Variants in CDK11B observed in about 807,000 individuals in gnomAD.
CDK11B encodes the protein cyclin dependent kinase 11B, also known as cyclin-dependent kinase 11B.
Under a neutral mutation model 84.0 loss-of-function variants are expected in CDK11B, and 37 were observed. The observed-to-expected ratio is 0.44, with a 90% CI of 0.34 to 0.58. The LOEUF (loss-of-function observed/expected upper bound fraction) is 0.58, where lower values mean the gene tolerates loss of function less well. Among genes scored for constraint, CDK11B ranks in the 20% least tolerant of loss-of-function variants. The pLI is 0.02. For synonymous variants in CDK11B, 269 were observed against 309.8 expected (o/e 0.87, Z 1.38); for missense variants, 427 against 834.0 (o/e 0.51, Z 6.01).
Position 1,636,763 on chromosome 1 carries a change from A to G in CDK11B, c.1836T>C (p.Gly612=), listed in dbSNP as rs200050513. 5,666 of 1,612,986 alleles carry G rather than the reference A, an allele frequency of 3.5e-3. 135 individuals are homozygous for G. In the African/African-American group the frequency reaches 0.062, roughly 18 times the overall value. The change falls in exon 17 of 20, where the codon GGT becomes GGC. Residue 612 remains glycine (G), a synonymous_variant. Coordinates refer to ENST00000341832, the MANE Select transcript of CDK11B (RefSeq NM_033486.3). ...GAGTCAGCAGCTCCCCGAAGATGCA[A>G]CCCACTGACCACATGTCCACGGCCG... ...YSTAVDMWSV[G]CIFGELLTQK...
chr1:1,644,768 G>A (rs532942597), intron 6 of CDK11B, among the ~76,000 whole-genome samples: 1 of 152,296 alleles, frequency 6.6e-6, no homozygotes, highest in South Asian at 2.1e-4. Flanking sequence ...GAGGTGGGTG[G>A]ATCACGAGGC....
At position 1,649,534 on chromosome 1, in the gene CDK11B, T is replaced by C; in HGVS notation, c.459A>G (p.Arg153=). Residue 153 remains arginine (R), a synonymous_variant, in exon 5 of 20, where the codon AGA becomes AGG. Transcript: ENST00000341832. ...TGGAATGCTCCCTTGCCATCTCCCTTCTCTTCTGTCTTTCCCATTCCCGGC... is the reference window on the plus strand; with the variant it reads ...TGGAATGCTCCCTTGCCATCTCCCTCCTCTTCTGTCTTTCCCATTCCCGGC... The part of the protein sequence containing the change: ...KARREWERQK[R]REMAREHSRR... 2.5e-6 allele frequency: 4 copies of C among 1,601,040 alleles called. No individual in the cohort carries two copies. The highest frequency in any genetic ancestry group is 3.4e-6 in the Non-Finnish European group (4 of 1,168,244).
Position 1,645,219 on chromosome 1 carries a change from T to G in CDK11B, c.538A>C (p.Lys180Gln), listed in dbSNP as rs2100822984. 7.0e-7 allele frequency: 1 copy of G among 1,438,678 alleles called. No homozygotes were observed. Among genetic ancestry groups the G allele is most frequent in the Admixed American group, 1.7e-5 (1 of 59,132 alleles). The allele number at this position is 1,438,678 out of a possible 1,614,324, so 89.1% of individuals were successfully genotyped here. A position where few individuals can be genotyped will look rare whatever the true frequency, so the allele number is the denominator to read the frequency against. ...QLERKRERER[K>Q]MREQQKEQRE... ...TGCTCCTTCTGCTGCTCCCGCATCT[T>G]GCGCTCCCGCTCCCGCTTCCTTTCT... Residue 180 changes from lysine to glutamine, a missense_variant, in exon 6 of 20, where the codon AAG (lysine) becomes CAG (glutamine). Coordinates refer to ENST00000341832, the MANE Select transcript of CDK11B (RefSeq NM_033486.3).
At position 1,650,268 on chromosome 1, in the gene CDK11B, C is replaced by CAAAAAAAAAAAAAAAAAAAAAA. The variant is rs1212256890; in HGVS notation, c.356-632_356-631insTTTTTTTTTTTTTTTTTTTTTT. On this transcript the variant is annotated intron_variant, in intron 4 of 19. Coordinates refer to ENST00000341832, the MANE Select transcript of CDK11B (RefSeq NM_033486.3). ...CTGGGTGACAAGCAAGACTCCGTCC[C>CAAAAAAAAAAAAAAAAAAAAAA]AAAAAAAAAAAAAAAAGAAATTAAA... Among the ~76,000 whole-genome samples the CAAAAAAAAAAAAAAAAAAAAAA allele has an allele frequency of 2.9e-3, 134 of 45,654 alleles. 1 individual carries two copies. The highest frequency in any genetic ancestry group is 4.2e-3 in the Non-Finnish European group (99 of 23,350). The allele number at this position is 45,654 out of a possible 152,430, so 30.0% of individuals were successfully genotyped here. A position where few individuals can be genotyped will look rare whatever the true frequency, so the allele number is the denominator to read the frequency against.
At chr1:1,637,948 G>C (rs1238347142) in intron 12 of CDK11B, 65 bp from the exon 13 acceptor site, 1 of 1,601,382 alleles carries the variant, frequency 6.2e-7, no homozygotes, top group Non-Finnish European at 8.5e-7. Flanking sequence ...CAGTGGACTC[G>C]TTCAGTGAGG....
At chr1:1,638,751 C>A (rs1321513967) in intron 11 of CDK11B, among the ~76,000 whole-genome samples, 161 bp from the exon 12 acceptor site, 1 of 152,260 alleles carries the variant, frequency 6.6e-6, no homozygotes, top group Non-Finnish European at 1.5e-5. Context: ...CTTTCAAAGT[C>A]TCTTTCCTTG....
At chr1:1,652,056 TTTAG>T (rs1428171569) in intron 4 of CDK11B, among the ~76,000 whole-genome samples, 2 of 151,652 alleles carry the variant, frequency 1.3e-5, no homozygotes, top group Non-Finnish European at 2.9e-5. Context: ...CACGCATGCT[TTTAG>T]TTAGTTTGCT....
intron 5 of CDK11B, among the ~76,000 whole-genome samples, chr1:1,649,277 T>G (rs1641585465): frequency 2.0e-5 from 3 of 151,924 alleles, no homozygotes; most frequent in Admixed American, 6.6e-5. Flanking sequence ...TTTTTTGTAT[T>G]TTTTTAGTAG....
At chr1:1,639,041 G>C (rs1369569388) in intron 11 of CDK11B, among the ~76,000 whole-genome samples, 1 of 150,364 alleles carries the variant, frequency 6.7e-6, no homozygotes, top group Non-Finnish European at 1.5e-5. Flanking sequence ...CCTGGGTTCA[G>C]GCGATTCTCC....
Position 1,637,725 on chromosome 1 carries a change from T to C in CDK11B, c.1464+37A>G, listed in dbSNP as rs1290397561. ...AGCACGGGGCCCTGTCAGAAAAGCCTTCCACCCGGGGCCAGGCGTGGTGGG... is the reference window on the plus strand; with the variant it reads ...AGCACGGGGCCCTGTCAGAAAAGCCCTCCACCCGGGGCCAGGCGTGGTGGG... On this transcript the variant is annotated intron_variant, in intron 13 of 19. Transcript: ENST00000341832. 5 of 1,613,560 alleles carry C rather than the reference T, an allele frequency of 3.1e-6. No homozygotes were observed. In the Admixed American group the frequency reaches 6.7e-5, roughly 22 times the overall value.
In CDK11B at chr1:1,652,545, C is replaced by T; in HGVS notation, c.249G>A (p.Leu83=). ...ACATTTGCTGGGGTGGTTTGATGGC[C>T]AAAGAATCATCTTCTTCTCCTCTGA... ...MEDRGEEDDS[L]AIKPPQQMSR... The change falls in exon 4 of 20, where the codon TTG becomes TTA. Residue 83 remains leucine (L), a synonymous_variant. Transcript: ENST00000341832. The T allele has an allele frequency of 6.7e-7, 1 of 1,483,022 alleles. No individual in the cohort carries two copies. Among genetic ancestry groups the T allele is most frequent in the Non-Finnish European group, 8.9e-7 (1 of 1,124,550 alleles). The allele number at this position is 1,483,022 out of a possible 1,614,324, so 91.9% of individuals were successfully genotyped here. A position where few individuals can be genotyped will look rare whatever the true frequency, so the allele number is the denominator to read the frequency against.
chr1:1,652,666 G>T, intron 3 of CDK11B, 100 bp from the exon 4 acceptor site: 4 of 829,334 alleles, frequency 4.8e-6, no homozygotes, highest in Non-Finnish European at 7.0e-6. Context: ...GCATGATTCA[G>T]ACAGGAACAA....
At chr1:1,648,819 G>A (rs904576290) in intron 5 of CDK11B, among the ~76,000 whole-genome samples, 4 of 152,018 alleles carry the variant, frequency 2.6e-5, no homozygotes, top group African/African-American at 7.2e-5. Context: ...AACCAGGCTG[G>A]AGTGCAATAG....
intron 16 of CDK11B, 42 bp from the exon 17 acceptor site, chr1:1,636,840 G>A (rs1205611147): frequency 1.1e-5 from 18 of 1,612,996 alleles, no homozygotes; most frequent in Admixed American, 6.7e-5. Context: ...CAGTGCCCGC[G>A]AAGCTGTGGG....
chr1:1,655,245 A>C (rs922387697), intron 3 of CDK11B, 124 bp downstream of exon 3: 27 of 1,210,200 alleles, frequency 2.2e-5, no homozygotes, highest in Non-Finnish European at 2.8e-5. Flanking sequence ...ATGTCACAGT[A>C]ACTCTAGGAA....
At chr1:1,637,545 C>G in intron 13 of CDK11B, 32 bp from the exon 14 acceptor site, 1 of 1,610,204 alleles carries the variant, frequency 6.2e-7, no homozygotes, top group Non-Finnish European at 8.5e-7. Context: ...GTGCTGGGCA[C>G]CTCCAGGCCC....
Position 1,655,420 on chromosome 1 carries a change from T to G in CDK11B, c.176A>C (p.Glu59Ala). Residue 59 changes from glutamate (E) to alanine (A), a missense_variant, in exon 3 of 20, where the codon GAG (glutamate) becomes GCG (alanine). Transcript: ENST00000341832. ...ATACGGGGAGTTCCTTATTGTGATC[T>G]CCATGCGGTGATCTCTCAGCTCCCC... ...EEGELRDHRM[E>A]ITIRNSPYRR... 6.2e-7 allele frequency: 1 copy of G among 1,612,896 alleles called. No individual in the cohort carries two copies. The highest frequency in any genetic ancestry group is 8.5e-7 in the Non-Finnish European group (1 of 1,178,984).
rs556260132 is a variant in CDK11B, at chr1:1,641,033, C to G, written c.1075+15G>C. 254 of 1,568,770 alleles carry G rather than the reference C, an allele frequency of 1.6e-4. 4 individuals are homozygous for G. In the South Asian group the frequency reaches 2.8e-3, roughly 17 times the overall value. ...ACAGACAAGGAGGGGGCTCTGTCTC[C>G]AGGGAGGTTCTTACCAACCAAGAGG... On this transcript the variant is annotated intron_variant, in intron 10 of 19. Transcript: ENST00000341832.
At chr1:1,645,061 T>A (rs1292293842) in intron 6 of CDK11B, 65 bp downstream of exon 6, 1 of 717,770 alleles carries the variant, frequency 1.4e-6, no homozygotes, top group Non-Finnish European at 2.3e-6. Flanking sequence ...TGACAGCAAG[T>A]GCCCAGCACC....
Sources: gnomAD v4.1 joint callset for allele counts (sites outside exome capture counted in the v4.1 genomes callset) on GRCh38, gnomAD v4.1.1 for gene constraint, MANE v1.5 for transcripts, NCBI Gene and HGNC (gene_info 2026-07-23, HGNC 2026-07-21) for gene names.